The following SMC6 variants were observed in gnomAD, a reference collection of about 807,000 sequenced individuals.
The protein encoded by SMC6 is structural maintenance of chromosomes protein 6.
In SMC6, 79 loss-of-function variants were observed where a neutral mutation model predicts 142.2. That is an observed-to-expected ratio of 0.56 (90% CI 0.46 to 0.67). The LOEUF (loss-of-function observed/expected upper bound fraction) is 0.67. Among genes scored for constraint, SMC6 ranks in the 30% least tolerant of loss-of-function variants. SMC6 has a pLI of 0.00. For missense variants in SMC6, 1,072 were observed against 1,284.0 expected, an observed-to-expected ratio of 0.83 and a Z score of 2.52; for synonymous variants, 411 against 412.4, an observed-to-expected ratio of 1.00 and a Z score of 0.04.
At chr2:17,689,153 AATAG>A (rs1218987867) in intron 23 of SMC6, among the ~76,000 whole-genome samples, 6 of 152,288 alleles carry the variant, frequency 3.9e-5, no homozygotes, top group Non-Finnish European at 7.4e-5. Context: ...GAGAGAGAGA[AATAG>A]ATAGACAGAT....
chr2:17,670,317 G>T, intron 26 of SMC6, 106 bp downstream of exon 26: 1 of 1,161,632 alleles, frequency 8.6e-7, no homozygotes, highest in Non-Finnish European at 1.2e-6. Context: ...GTCAGGGCAG[G>T]ATCTTTCCTG....
chr2:17,695,131 G>C, intron 23 of SMC6, 21 bp downstream of exon 23: 1 of 1,611,072 alleles, frequency 6.2e-7, no homozygotes, highest in Non-Finnish European at 8.5e-7. Context: ...TGGTAAAGCA[G>C]AAAAGCTACC....
At chr2:17,721,062 A>G (rs1353505792) in intron 10 of SMC6, 24 bp from the exon 11 acceptor site, 14 of 1,613,098 alleles carry the variant, frequency 8.7e-6, no homozygotes, top group Non-Finnish European at 1.2e-5. Flanking sequence ...TATATAGCAA[A>G]TTGATCAGAT....
intron 3 of SMC6, among the ~76,000 whole-genome samples, chr2:17,742,751 AAAT>A (rs1670542792): frequency 1.3e-5 from 2 of 152,200 alleles, no homozygotes; most frequent in African/African-American, 4.8e-5. Flanking sequence ...TTTTATTTTT[AAAT>A]AATAACAGAT....
rs755873189 is a variant in SMC6, at chr2:17,718,203, T to A, written c.966A>T (p.Glu322Asp). Residue 322 changes from glutamate (E) to aspartate (D), a missense_variant, in exon 12 of 28, where the codon GAA (glutamate) becomes GAT (aspartate). Transcript: ENST00000448223. The part of the protein sequence containing the change: ...EEQQVRLNEA[E>D]QKYKDIQDKL... ...TGTCTTGAATATCCTTGTACTTTTG[T>A]TCTGCCTCATTAAGTCTGACCTTTA... is the stretch of plus-strand genomic sequence containing the variant. 1.0e-5 allele frequency: 16 copies of A among 1,603,990 alleles called. No homozygotes were observed. Among genetic ancestry groups the A allele is most frequent in the Non-Finnish European group, 1.2e-5 (14 of 1,174,974 alleles).
At chr2:17,682,297 T>C (rs1373857699) in intron 24 of SMC6, among the ~76,000 whole-genome samples, 2 of 152,172 alleles carry the variant, frequency 1.3e-5, no homozygotes, top group Non-Finnish European at 2.9e-5. Context: ...GGCTATCAGA[T>C]AGTGACTATC....
chr2:17,730,323 T>C (rs537930533), intron 7 of SMC6, among the ~76,000 whole-genome samples: 22 of 149,620 alleles, frequency 1.5e-4, no homozygotes, highest in Non-Finnish European at 3.0e-4. Flanking sequence ...AGCTCCAAAA[T>C]AGAGAAATGC....
intron 16 of SMC6, among the ~76,000 whole-genome samples, chr2:17,711,624 T>G (rs749491896): frequency 6.6e-6 from 1 of 152,030 alleles, no homozygotes; most frequent in African/African-American, 2.4e-5. Flanking sequence ...ATTTGGTGTA[T>G]TTTTATTTTA....
At chr2:17,688,750 G>GA (rs953669091) in intron 23 of SMC6, among the ~76,000 whole-genome samples, 2 of 151,698 alleles carry the variant, frequency 1.3e-5, no homozygotes, top group Non-Finnish European at 2.9e-5. Flanking sequence ...CTAAATACCA[G>GA]AAAAAAAATA....
Position 17,703,195 on chromosome 2 carries a change from G to T in SMC6, c.2104C>A (p.Leu702Ile). The T allele has an allele frequency of 6.5e-7, 1 of 1,540,788 alleles. No homozygotes were observed. Among genetic ancestry groups the T allele is most frequent in the Non-Finnish European group, 8.9e-7 (1 of 1,122,342 alleles). The change falls in exon 19 of 28, where the codon CTT (leucine) becomes ATT (isoleucine). Residue 702 changes from leucine to isoleucine, a missense_variant. This residue lies in a region of SMC6 where 994 missense variants were observed against 1,153.2 expected (regional missense o/e 0.86). Coordinates refer to ENST00000448223, the MANE Select transcript of SMC6 (RefSeq NM_001142286.2). ...LEKDIKHNEE[L>I]LKRCQLHYKE... ...TAATGTAGTTGGCACCTTTTAAGAA[G>T]TTCCTCATTGTGTTTAATATCTTTT...
intron 25 of SMC6, among the ~76,000 whole-genome samples, chr2:17,678,152 A>G: frequency 6.6e-6 from 1 of 152,256 alleles, no homozygotes; most frequent in East Asian, 1.9e-4. Context: ...AAATAGTATA[A>G]ACACAATTAA....
Position 17,715,078 on chromosome 2 carries a change from G to A in SMC6, c.1526-13C>T. The A allele has an allele frequency of 1.2e-6, 2 of 1,608,986 alleles. No homozygotes were observed. The highest frequency in any genetic ancestry group is 1.7e-6 in the Non-Finnish European group (2 of 1,178,600). On this transcript the variant is annotated splice_polypyrimidine_tract_variant and intron_variant, in intron 15 of 27. Coordinates refer to ENST00000448223, the MANE Select transcript of SMC6 (RefSeq NM_001142286.2). Reference sequence around the variant, plus strand: ...TGAATGCAAGCTCCTAAAAGTGAGAGAAAATTACAGAAGGGCTCATAAATA... The same window carrying A: ...TGAATGCAAGCTCCTAAAAGTGAGAAAAAATTACAGAAGGGCTCATAAATA...
chr2:17,731,270 C>T (rs539731582), intron 6 of SMC6, 131 bp from the exon 7 acceptor site: 45 of 631,238 alleles, frequency 7.1e-5, no homozygotes, highest in Non-Finnish European at 9.6e-5. Context: ...CCATTGAATA[C>T]GTACAAATAT....
At chr2:17,712,085 T>C (rs1366856412) in intron 16 of SMC6, among the ~76,000 whole-genome samples, 3 of 152,206 alleles carry the variant, frequency 2.0e-5, no homozygotes, top group Non-Finnish European at 4.4e-5. Context: ...AATGGTGTCA[T>C]AGTAACAAAA....
intron 23 of SMC6, among the ~76,000 whole-genome samples, chr2:17,692,707 GATCT>G (rs1384860276): frequency 2.6e-5 from 4 of 152,136 alleles, no homozygotes; most frequent in Non-Finnish European, 4.4e-5. Context: ...TCACAAATGG[GATCT>G]AATTAAACTA....
At chr2:17,723,523 A>G (rs80098294) in intron 9 of SMC6, among the ~76,000 whole-genome samples, 5 of 152,128 alleles carry the variant, frequency 3.3e-5, no homozygotes, top group Non-Finnish European at 7.4e-5. Context: ...TATCTCTTAG[A>G]ACATCCTTCC....
intron 23 of SMC6, among the ~76,000 whole-genome samples, chr2:17,694,435 T>C (rs1016272965): frequency 5.9e-5 from 9 of 152,196 alleles, no homozygotes; most frequent in African/African-American, 2.2e-4. Flanking sequence ...AAATGCCATA[T>C]GTACCCCACT....
chr2:17,726,087 T>TAAAAAAAAAAAAAAAAAAAAA (rs35471536), intron 8 of SMC6, among the ~76,000 whole-genome samples: 1 of 54,966 alleles, frequency 1.8e-5, no homozygotes, highest in African/African-American at 9.1e-5. Flanking sequence ...GGCTCTGTCT[T>TAAAAAAAAAAAAAAAAAAAAA]AAAAAAAAAA....
intron 23 of SMC6, among the ~76,000 whole-genome samples, chr2:17,693,568 T>C (rs1667838225): frequency 6.6e-6 from 1 of 151,770 alleles, no homozygotes; most frequent in Non-Finnish European, 1.5e-5. Context: ...GGGACAGCAT[T>C]AGGAGATATA....
Sources: allele counts gnomAD v4.1 joint callset (sites outside exome capture counted in the v4.1 genomes callset), GRCh38; gene constraint gnomAD v4.1.1; regional missense constraint gnomAD v4.1.1; transcripts MANE v1.5; gene names NCBI Gene and HGNC (gene_info 2026-07-23, HGNC 2026-07-21).